SLC16A9: variants seen among roughly 807,000 people sequenced by gnomAD.
SLC16A9 encodes the protein monocarboxylate transporter 9.
Under a neutral mutation model 44.3 loss-of-function variants are expected in SLC16A9, and 26 were observed. The ratio of observed to expected loss-of-function variants is 0.59; its 90% CI spans 0.43 to 0.81. The LOEUF is 0.81. Ranked by LOEUF, SLC16A9 falls within the 40% of genes least tolerant of loss-of-function variation. The pLI is 0.00. For missense variants in SLC16A9, 559 were observed against 595.8 expected, an observed-to-expected ratio of 0.94 and a Z score of 0.64; for synonymous variants, 230 against 225.1, an observed-to-expected ratio of 1.02 and a Z score of -0.19.
intron 1 of SLC16A9, among the ~76,000 whole-genome samples, chr10:59,685,242 A>G (rs768559662): frequency 6.6e-6 from 1 of 152,176 alleles, no homozygotes; most frequent in South Asian, 2.1e-4. Flanking sequence ...TTATAAGTAC[A>G]TAGGATGTAT....
At position 59,664,689 on chromosome 10, in the gene SLC16A9, C is replaced by T. The variant is rs11006669; in HGVS notation, c.341-367G>A. Among the ~76,000 whole-genome samples, 195 of 152,298 alleles carry T rather than the reference C, an allele frequency of 1.3e-3. 3 individuals carry two copies. The East Asian group carries it at 0.024, about 19-fold the overall frequency. ...TTAGAGATCTATGCCTCTTCCAAGT[C>T]CTTGCCCCCAGCTCAGTGTTCTTCC... On this transcript the variant is annotated intron_variant, in intron 3 of 5. Coordinates refer to ENST00000395348, the MANE Select transcript of SLC16A9 (RefSeq NM_194298.3).
chr10:59,665,906 A>T (rs1011769624), intron 3 of SLC16A9, among the ~76,000 whole-genome samples: 29 of 152,350 alleles, frequency 1.9e-4, no homozygotes, highest in Middle Eastern at 3.4e-3. Context: ...TGAATTTTTT[A>T]AAATGATTTA....
intron 4 of SLC16A9, among the ~76,000 whole-genome samples, chr10:59,657,106 A>T (rs539857940): frequency 3.5e-4 from 53 of 152,342 alleles, no homozygotes; most frequent in African/African-American, 1.0e-3. Flanking sequence ...GATAATCCAT[A>T]AAAAAATGAG....
chr10:59,667,099 T>G (rs1372688789), intron 3 of SLC16A9, among the ~76,000 whole-genome samples: 1 of 152,154 alleles, frequency 6.6e-6, no homozygotes, highest in Non-Finnish European at 1.5e-5. Flanking sequence ...AAAATTAAGT[T>G]TGAATAAAGA....
chr10:59,702,564 A>G (rs899272484), intron 1 of SLC16A9, among the ~76,000 whole-genome samples: 1 of 152,170 alleles, frequency 6.6e-6, no homozygotes, highest in African/African-American at 2.4e-5. Context: ...TTATGTACTC[A>G]AATGCTTCCT....
At chr10:59,691,344 C>A (rs1298615072) in intron 1 of SLC16A9, among the ~76,000 whole-genome samples, 3 of 151,976 alleles carry the variant, frequency 2.0e-5, no homozygotes, top group African/African-American at 7.2e-5. Context: ...AAATTAGAAA[C>A]CATTTTGAGA....
intron 1 of SLC16A9, among the ~76,000 whole-genome samples, chr10:59,694,817 T>TATATATATATATATATATATAC (rs145769219): frequency 1.0e-4 from 5 of 47,726 alleles, no homozygotes; most frequent in African/African-American, 3.2e-4. Context: ...TATATATATA[T>TATATATATATATATATATATAC]ACACACACAC....
At position 59,668,325 on chromosome 10, in the gene SLC16A9, T is replaced by C. The variant is rs114732034; in HGVS notation, c.341-4003A>G. Among the ~76,000 whole-genome samples, 1,098 of 152,330 alleles carry C rather than the reference T, an allele frequency of 7.2e-3. 14 individuals are homozygous for C. The highest frequency in any genetic ancestry group is 0.026 in the African/African-American group (1,061 of 41,572). ...AGACTGCTGTTTATCCATTCTATCT[T>C]GCGCCTCTGAGTACTTAGGCTACTG... On this transcript the variant is annotated intron_variant, in intron 3 of 5. Coordinates refer to ENST00000395348, the MANE Select transcript of SLC16A9 (RefSeq NM_194298.3).
intron 1 of SLC16A9, among the ~76,000 whole-genome samples, chr10:59,706,951 G>A (rs1440954066): frequency 1.4e-5 from 2 of 146,202 alleles, no homozygotes; most frequent in African/African-American, 5.1e-5. Flanking sequence ...TCCAGCCTGG[G>A]TGACAACAGC....
At chr10:59,654,704 TA>T in intron 4 of SLC16A9, 115 bp from the exon 5 acceptor site, 1 of 748,948 alleles carries the variant, frequency 1.3e-6, no homozygotes, top group Non-Finnish European at 2.0e-6. Flanking sequence ...AACTTCATAT[TA>T]AAATCATATT....
In SLC16A9 at chr10:59,653,843, A is replaced by T. The variant is rs1241557084; in HGVS notation, c.1183T>A (p.Tyr395Asn). 5 of 1,614,048 alleles carry T rather than the reference A, an allele frequency of 3.1e-6. No homozygotes were observed. Among genetic ancestry groups the T allele is most frequent in the Non-Finnish European group, 4.2e-6 (5 of 1,180,022 alleles). The change falls in exon 5 of 6, where the codon TAT becomes AAT. Residue 395 changes from tyrosine (Y) to asparagine (N), a missense_variant. Transcript: ENST00000395348. ...CCAGAAAGCAACGCCAATGTGACAT[A>T]GCTTTTGGCAAATGGAATTGCACAC... ...ALCAIPFAKS[Y>N]VTLALLSGIL...
At chr10:59,657,245 C>A (rs1489495020) in intron 4 of SLC16A9, among the ~76,000 whole-genome samples, 1 of 152,056 alleles carries the variant, frequency 6.6e-6, no homozygotes, top group South Asian at 2.1e-4. Context: ...CCAATTGTAG[C>A]TTGTTAATCA....
At position 59,672,744 on chromosome 10, in the gene SLC16A9, A is replaced by G. The variant is rs999081417; in HGVS notation, c.340+26T>C. 6 of 1,602,424 alleles carry G rather than the reference A, an allele frequency of 3.7e-6. No homozygotes were observed. The East Asian group carries it at 1.3e-4, about 36-fold the overall frequency. Reference sequence around the variant, plus strand: ...TGATGTGTATCTCTTGAAGGTTAGGAAAGTCATAGTGACGAGGTTCCTTAC... The same window carrying G: ...TGATGTGTATCTCTTGAAGGTTAGGGAAGTCATAGTGACGAGGTTCCTTAC... On this transcript the variant is annotated intron_variant, in intron 3 of 5. Coordinates refer to ENST00000395348, the MANE Select transcript of SLC16A9 (RefSeq NM_194298.3).
intron 2 of SLC16A9, among the ~76,000 whole-genome samples, chr10:59,683,461 CAT>C (rs1248012784): frequency 6.6e-6 from 1 of 152,206 alleles, no homozygotes; most frequent in Non-Finnish European, 1.5e-5. Flanking sequence ...AAATATATCA[CAT>C]ATGTCTTATA....
chr10:59,706,157 G>A (rs1393740651), intron 1 of SLC16A9, among the ~76,000 whole-genome samples: 1 of 151,706 alleles, frequency 6.6e-6, no homozygotes, highest in Non-Finnish European at 1.5e-5. Context: ...GCACACTATT[G>A]ATGTTCTACC....
intron 1 of SLC16A9, among the ~76,000 whole-genome samples, chr10:59,699,481 C>T (rs1023011297): frequency 2.6e-5 from 4 of 152,112 alleles, no homozygotes; most frequent in Non-Finnish European, 2.9e-5. Context: ...TTGGATAACC[C>T]GAGTGTACAT....
intron 4 of SLC16A9, among the ~76,000 whole-genome samples, chr10:59,658,958 C>A (rs1405871087): frequency 6.6e-6 from 1 of 152,128 alleles, no homozygotes; most frequent in Admixed American, 6.5e-5. Context: ...AAAGCCTGAC[C>A]TTCCAGGGTT....
intron 2 of SLC16A9, among the ~76,000 whole-genome samples, chr10:59,678,060 C>T (rs1426350843): frequency 7.4e-6 from 1 of 134,256 alleles, no homozygotes; most frequent in Non-Finnish European, 1.6e-5. Context: ...CAACAGTCCC[C>T]AGAGTGTGAT....
In SLC16A9 at chr10:59,652,782, G is replaced by A. The variant is rs199817835; in HGVS notation, c.1520C>T (p.Ser507Phe). ...TCTTCCAATATTCTTCTAAACATTA[G>A]AGGCAACTTTGTACAAGAAAGTTGT... is the stretch of plus-strand genomic sequence containing the variant. Reference protein sequence around the residue: ...APTTFLYKVASNV With the variant: ...APTTFLYKVAFNV The change falls in exon 6 of 6, where the codon TCT becomes TTT. Residue 507 changes from serine to phenylalanine, a missense_variant. Coordinates refer to ENST00000395348, the MANE Select transcript of SLC16A9 (RefSeq NM_194298.3). 1.4e-5 allele frequency: 22 copies of A among 1,609,440 alleles called. No homozygotes were observed. The East Asian group carries it at 4.2e-4, about 31-fold the overall frequency.
Sources: gnomAD v4.1 joint callset for allele counts (sites outside exome capture counted in the v4.1 genomes callset) on GRCh38, gnomAD v4.1.1 for gene constraint, MANE v1.5 for transcripts, NCBI Gene and HGNC (gene_info 2026-07-23, HGNC 2026-07-21) for gene names.